Variants in PTPRM observed in about 807,000 individuals in gnomAD.
PTPRM encodes the protein protein tyrosine phosphatase receptor type M.
Under a neutral mutation model 186.7 loss-of-function variants are expected in PTPRM, and 47 were observed. The ratio of observed to expected loss-of-function variants is 0.25; its 90% CI spans 0.20 to 0.32. The LOEUF (loss-of-function observed/expected upper bound fraction) is 0.32. Ranked by LOEUF, PTPRM falls within the 10% of genes least tolerant of loss-of-function variation. The pLI, the probability that PTPRM is intolerant of heterozygous loss-of-function variation, is 1.00. For missense variants in PTPRM, 1,494 were observed against 1,865.0 expected (o/e 0.80, Z 3.66); for synonymous variants, 668 against 674.9 (o/e 0.99, Z 0.16).
At position 7,658,616 on chromosome 18, in the gene PTPRM, C is replaced by T. The variant is rs144076095; in HGVS notation, c.73+90725C>T. 2.6e-5 allele frequency among the ~76,000 whole-genome samples: 4 copies of T among 152,134 alleles called. No individual in the cohort carries two copies. In the East Asian group the frequency reaches 7.7e-4, roughly 29 times the overall value. On this transcript the variant is annotated intron_variant, in intron 1 of 32. Transcript: ENST00000580170. ...TTTATTCAAGGATGGAAGGTTGGCT[C>T]TGAAGCCTAACATAACTTACAGAAA...
At chr18:7,983,785 A>G (rs2082686797) in intron 7 of PTPRM, among the ~76,000 whole-genome samples, 1 of 152,170 alleles carries the variant, frequency 6.6e-6, no homozygotes, top group Non-Finnish European at 1.5e-5. Context: ...AAGTTATCTC[A>G]GCACTTATTT....
intron 1 of PTPRM, among the ~76,000 whole-genome samples, chr18:7,603,947 A>T (rs1454716803): frequency 6.6e-6 from 1 of 152,326 alleles, no homozygotes. Context: ...GCCTAACCCC[A>T]TCCTTTATAA....
intron 2 of PTPRM, among the ~76,000 whole-genome samples, chr18:7,831,386 A>G (rs1567884482): frequency 6.6e-6 from 1 of 151,982 alleles, no homozygotes; most frequent in African/African-American, 2.4e-5. Flanking sequence ...ATGCAGACAT[A>G]GAACATTTAT....
intron 13 of PTPRM, among the ~76,000 whole-genome samples, chr18:8,118,343 T>G (rs144443582): frequency 1.3e-5 from 2 of 152,286 alleles, no homozygotes; most frequent in East Asian, 3.9e-4. Flanking sequence ...TTTTTTGGGT[T>G]TTGATATATG....
Position 7,906,593 on chromosome 18 carries a change from C to T in PTPRM, c.547+10C>T, listed in dbSNP as rs779977245. 17 of 1,592,212 alleles carry T rather than the reference C, an allele frequency of 1.1e-5. No individual in the cohort carries two copies. In the South Asian group the frequency reaches 1.9e-4, roughly 18 times the overall value. ...TTAGGACATCCATGTAGTAAGTTGT[C>T]TTTATTTGTAAATATTCGGGTACAT... On this transcript the variant is annotated intron_variant, in intron 4 of 32. Coordinates refer to ENST00000580170, the MANE Select transcript of PTPRM (RefSeq NM_001105244.2).
chr18:8,095,975 T>C (rs982141782), intron 11 of PTPRM, among the ~76,000 whole-genome samples: 9 of 152,152 alleles, frequency 5.9e-5, no homozygotes, highest in African/African-American at 2.2e-4. Flanking sequence ...TAGTGTCTCT[T>C]GTTTGGAAGA....
intron 14 of PTPRM, among the ~76,000 whole-genome samples, chr18:8,240,643 GAGAGAGAGAGAA>G (rs2094413552): frequency 3.1e-5 from 1 of 32,602 alleles, no homozygotes; most frequent in Admixed American, 3.1e-4. Context: ...GAGAGAGAGA[GAGAGAGAGAGAA>G]AGAAAGAAAG....
chr18:8,328,382 C>CT (rs1162000944), intron 22 of PTPRM, among the ~76,000 whole-genome samples: 3 of 152,048 alleles, frequency 2.0e-5, no homozygotes, highest in Non-Finnish European at 4.4e-5. Flanking sequence ...ATTGAAAGAA[C>CT]TTTTTTTTAA....
At chr18:8,280,271 C>A (rs1036952592) in intron 19 of PTPRM, among the ~76,000 whole-genome samples, 1 of 152,070 alleles carries the variant, frequency 6.6e-6, no homozygotes, top group Non-Finnish European at 1.5e-5. Context: ...GGACACCAGT[C>A]ATATTGGATT....
intron 7 of PTPRM, among the ~76,000 whole-genome samples, chr18:8,016,673 G>A: frequency 6.6e-6 from 1 of 152,336 alleles, no homozygotes; most frequent in Middle Eastern, 3.4e-3. Context: ...CAGAAAGTAA[G>A]TGTGTGGTCA....
intron 19 of PTPRM, among the ~76,000 whole-genome samples, chr18:8,266,857 G>A (rs2094707054): frequency 6.6e-6 from 1 of 151,922 alleles, no homozygotes; most frequent in Admixed American, 6.6e-5. Flanking sequence ...GCAGTGAGCC[G>A]AGATCATACC....
chr18:8,266,312 C>T (rs1052434172), intron 19 of PTPRM, among the ~76,000 whole-genome samples: 15 of 148,464 alleles, frequency 1.0e-4, no homozygotes, highest in African/African-American at 3.8e-4. Context: ...TCCCCTTCCA[C>T]GCTGTGGAAG....
chr18:8,155,349 T>A (rs563034149), intron 14 of PTPRM, among the ~76,000 whole-genome samples: 1 of 152,328 alleles, frequency 6.6e-6, no homozygotes, highest in Non-Finnish European at 1.5e-5. Context: ...ATAGTAATAT[T>A]CCTGTCTCAG....
chr18:7,654,147 G>T (rs1207278052), intron 1 of PTPRM, among the ~76,000 whole-genome samples: 1 of 151,784 alleles, frequency 6.6e-6, no homozygotes, highest in East Asian at 1.9e-4. Flanking sequence ...CTTGTCTTTT[G>T]CCCACTTTTT....
intron 1 of PTPRM, among the ~76,000 whole-genome samples, chr18:7,736,353 T>C (rs1404698941): frequency 1.3e-5 from 2 of 152,206 alleles, no homozygotes; most frequent in Non-Finnish European, 2.9e-5. Context: ...GGAGTCTTGC[T>C]CTGTCACCCA....
intron 29 of PTPRM, among the ~76,000 whole-genome samples, chr18:8,383,102 A>G (rs2095747846): frequency 6.6e-6 from 1 of 151,912 alleles, no homozygotes; most frequent in South Asian, 2.1e-4. Flanking sequence ...GATCGAGACC[A>G]TCCTGGCCAA....
chr18:8,376,242 T>G (rs2095694107), intron 25 of PTPRM, 42 bp downstream of exon 25: 1 of 1,598,230 alleles, frequency 6.3e-7, no homozygotes, highest in Admixed American at 1.7e-5. Context: ...ACGCAGTGGG[T>G]GATGGGTGCA....
chr18:8,092,628 C>G (rs2090803501), intron 11 of PTPRM, among the ~76,000 whole-genome samples: 4 of 151,968 alleles, frequency 2.6e-5, no homozygotes, highest in Admixed American at 2.6e-4. Context: ...CCTAAAAGCA[C>G]AGCAGTGTTC....
chr18:8,317,692 C>A (rs2095319059), intron 21 of PTPRM, among the ~76,000 whole-genome samples: 1 of 152,082 alleles, frequency 6.6e-6, no homozygotes, highest in African/African-American at 2.4e-5. Flanking sequence ...ATCATGGAAC[C>A]AGGGAAGAAA....
Sources: allele counts gnomAD v4.1 joint callset (sites outside exome capture counted in the v4.1 genomes callset), GRCh38; gene constraint gnomAD v4.1.1; transcripts MANE v1.5; gene names NCBI Gene and HGNC (gene_info 2026-07-23, HGNC 2026-07-21).